MYO10: variants seen among roughly 807,000 people sequenced by gnomAD.
MYO10 encodes the protein myosin X.
In MYO10, 133 loss-of-function variants were observed where a neutral mutation model predicts 257.3. The ratio of observed to expected loss-of-function variants is 0.52; its 90% CI spans 0.45 to 0.60. MYO10 has a LOEUF of 0.60. Among genes scored for constraint, MYO10 ranks in the 20% least tolerant of loss-of-function variants. The pLI is 0.00. For synonymous variants in MYO10, 1,104 were observed against 1,028.6 expected (o/e 1.07, Z -1.40); for missense variants, 2,399 against 2,635.7 (o/e 0.91, Z 1.97).
chr5:16,929,461 A>G (rs1746238023), intron 1 of MYO10, among the ~76,000 whole-genome samples: 1 of 152,204 alleles, frequency 6.6e-6, no homozygotes, highest in South Asian at 2.1e-4. Context: ...ACAGAAAAGC[A>G]TGGCAGTGAA....
intron 2 of MYO10, among the ~76,000 whole-genome samples, chr5:16,848,916 A>C (rs561318999): frequency 6.6e-6 from 1 of 152,332 alleles, no homozygotes; most frequent in Non-Finnish European, 1.5e-5. Flanking sequence ...AGGTTAAAAT[A>C]ACGGCAACCA....
rs116170887 is a variant in MYO10 at position 16,830,276 on chromosome 5, T to C, written c.121-12109A>G. Among the ~76,000 whole-genome samples, 543 of 152,144 alleles carry C rather than the reference T, an allele frequency of 3.6e-3. 4 individuals are homozygous for C. Among genetic ancestry groups the C allele is most frequent in the African/African-American group, 0.012 (512 of 41,528 alleles). Reference sequence around the variant, plus strand: ...AAACCAGACCTCAAATTTGTATTTATATGTAAGGTCAGGAACTGTGATTTT... The same window carrying C: ...AAACCAGACCTCAAATTTGTATTTACATGTAAGGTCAGGAACTGTGATTTT... On this transcript the variant is annotated intron_variant, in intron 2 of 40. Transcript: ENST00000513610.
chr5:16,863,518 T>G (rs750893464), intron 2 of MYO10, among the ~76,000 whole-genome samples: 2 of 152,210 alleles, frequency 1.3e-5, no homozygotes, highest in South Asian at 2.1e-4. Flanking sequence ...ACACCTCACA[T>G]AGCCCACATT....
intron 5 of MYO10, among the ~76,000 whole-genome samples, chr5:16,782,276 G>T (rs913284970): frequency 6.6e-6 from 1 of 152,056 alleles, no homozygotes; most frequent in African/African-American, 2.4e-5. Flanking sequence ...CTAGATCAGG[G>T]GCCGGCAAAC....
intron 21 of MYO10, 119 bp downstream of exon 21, chr5:16,710,789 G>T (rs1738562318): frequency 2.4e-6 from 2 of 824,396 alleles, no homozygotes; most frequent in Non-Finnish European, 3.9e-6. Context: ...GGCAACAGGA[G>T]TATCTTCCCA....
chr5:16,699,823 A>G (rs1579853542), intron 25 of MYO10, among the ~76,000 whole-genome samples: 1 of 151,416 alleles, frequency 6.6e-6, no homozygotes, highest in Admixed American at 6.6e-5. Context: ...AAGGAAAAAG[A>G]AAAAAAACAA....
At chr5:16,761,074 T>C (rs1238122176) in intron 17 of MYO10, among the ~76,000 whole-genome samples, 2 of 152,112 alleles carry the variant, frequency 1.3e-5, no homozygotes, top group Admixed American at 1.3e-4. Context: ...CACTGCAACC[T>C]CCACCTCCCA....
At chr5:16,735,959 C>T (rs554111599) in intron 19 of MYO10, among the ~76,000 whole-genome samples, 1 of 152,302 alleles carries the variant, frequency 6.6e-6, no homozygotes, top group African/African-American at 2.4e-5. Context: ...CTCATCCACA[C>T]CCGCAGATCA....
chr5:16,884,951 A>G lies in MYO10; in HGVS notation c.22-7244T>C, dbSNP rs576563758. On this transcript the variant is annotated intron_variant, in intron 1 of 40. Transcript: ENST00000513610. ...CAAAACCATTCACTGTCAGTGACCT[A>G]GTTAATTGAAAGCAGACTCTGTTGT... is the stretch of plus-strand genomic sequence containing the variant. Among the ~76,000 whole-genome samples, 38 of 152,282 alleles carry G rather than the reference A, an allele frequency of 2.5e-4. No homozygotes were observed. The South Asian group carries it at 5.0e-3, about 20-fold the overall frequency.
chr5:16,681,630 A>AC lies in MYO10; in HGVS notation c.4190-128dup, dbSNP rs1254358402. ...TGTTTGCCAGAAAAAGACCACGAAC[A>AC]CCCCAACCCGATGTAAATGGAACGA... On this transcript the variant is annotated intron_variant, in intron 31 of 40. Transcript: ENST00000513610. The AC allele has an allele frequency of 2.7e-6, 3 of 1,113,596 alleles. No homozygotes were observed. In the African/African-American group the frequency reaches 4.7e-5, roughly 17 times the overall value. 69.0% of individuals were successfully genotyped at this position (1,113,596 alleles called of 1,614,324 possible).
chr5:16,793,148 G>A (rs747500246), intron 4 of MYO10, among the ~76,000 whole-genome samples: 6 of 152,004 alleles, frequency 3.9e-5, no homozygotes, highest in Non-Finnish European at 8.8e-5. Flanking sequence ...GCGCCTCCAC[G>A]GAAACCTCAC....
intron 19 of MYO10, among the ~76,000 whole-genome samples, chr5:16,712,533 T>TA (rs987339850): frequency 2.0e-5 from 3 of 152,182 alleles, no homozygotes; most frequent in Non-Finnish European, 2.9e-5. Flanking sequence ...ACCTAACTGT[T>TA]AAAAAAATAC....
At chr5:16,758,685 A>G (rs1740605882) in intron 17 of MYO10, among the ~76,000 whole-genome samples, 2 of 152,192 alleles carry the variant, frequency 1.3e-5, no homozygotes, top group Non-Finnish European at 2.9e-5. Flanking sequence ...CCCACTTCCC[A>G]GCTGTGTTGC....
Position 16,894,471 on chromosome 5 carries a change from C to T in MYO10, c.22-16764G>A, listed in dbSNP as rs781158945. Among the ~76,000 whole-genome samples the T allele has an allele frequency of 5.3e-5, 8 of 152,162 alleles. No homozygotes were observed. The South Asian group carries it at 8.3e-4, about 16-fold the overall frequency. On this transcript the variant is annotated intron_variant, in intron 1 of 40. Coordinates refer to ENST00000513610, the MANE Select transcript of MYO10 (RefSeq NM_012334.3). ...GTGGCCTTGGACAAATGAACCTCCA[C>T]GGGCCTTCATTTCCTCATCGAATGT...
intron 2 of MYO10, among the ~76,000 whole-genome samples, chr5:16,869,665 G>C (rs1305047839): frequency 6.6e-6 from 1 of 151,464 alleles, no homozygotes; most frequent in African/African-American, 2.4e-5. Flanking sequence ...AGGAGTTCAA[G>C]GCCAGCCTAG....
intron 19 of MYO10, among the ~76,000 whole-genome samples, chr5:16,729,080 A>C (rs1739481162): frequency 6.6e-6 from 1 of 152,194 alleles, no homozygotes; most frequent in African/African-American, 2.4e-5. Flanking sequence ...AAAACAAAAC[A>C]CTGCTCTTTT....
intron 19 of MYO10, among the ~76,000 whole-genome samples, chr5:16,715,250 T>TA (rs943860529): frequency 4.0e-5 from 6 of 150,350 alleles, no homozygotes; most frequent in South Asian, 2.1e-4. Context: ...GAATCTTACT[T>TA]AAAAAAAAAT....
chr5:16,802,214 G>A (rs549796315), intron 3 of MYO10, among the ~76,000 whole-genome samples: 2 of 152,288 alleles, frequency 1.3e-5, no homozygotes, highest in African/African-American at 2.4e-5. Flanking sequence ...AATGAGTATG[G>A]ATTCAGTTCT....
At chr5:16,698,247 T>C (rs1438821247) in intron 26 of MYO10, among the ~76,000 whole-genome samples, 3 of 152,064 alleles carry the variant, frequency 2.0e-5, no homozygotes, top group African/African-American at 7.2e-5. Context: ...CCTGCAGTCC[T>C]AGCTCCTATG....
Sources: gnomAD v4.1 joint callset for allele counts (sites outside exome capture counted in the v4.1 genomes callset) on GRCh38, gnomAD v4.1.1 for gene constraint, MANE v1.5 for transcripts, NCBI Gene and HGNC (gene_info 2026-07-23, HGNC 2026-07-21) for gene names.